Variants in CADM2 observed in about 807,000 individuals in gnomAD.
CADM2 encodes the protein cell adhesion molecule 2.
Under a neutral mutation model 49.8 loss-of-function variants are expected in CADM2, and 12 were observed. That is an observed-to-expected ratio of 0.24 (90% CI 0.15 to 0.39). The LOEUF (loss-of-function observed/expected upper bound fraction) is 0.39. CADM2 is among the 10% of genes least tolerant of loss of function. The pLI, the probability that CADM2 is intolerant of heterozygous loss-of-function variation, is 1.00. For missense variants in CADM2, 378 were observed against 492.3 expected (o/e 0.77, Z 2.20); for synonymous variants, 214 against 175.4 (o/e 1.22, Z -1.74).
chr3:86,054,683 T>A (rs1209439894), intron 8 of CADM2, among the ~76,000 whole-genome samples: 1 of 152,086 alleles, frequency 6.6e-6, no homozygotes, highest in East Asian at 1.9e-4. Flanking sequence ...TCTGAAAGCA[T>A]GCTTAATTTA....
intron 1 of CADM2, among the ~76,000 whole-genome samples, chr3:85,218,550 C>G (rs770445023): frequency 4.6e-5 from 7 of 152,136 alleles, no homozygotes; most frequent in African/African-American, 1.7e-4. Context: ...GTAATCCCAG[C>G]ACTTTTGGAG....
At chr3:85,549,047 C>T (rs1017344036) in intron 1 of CADM2, among the ~76,000 whole-genome samples, 1 of 152,142 alleles carries the variant, frequency 6.6e-6, no homozygotes, top group Non-Finnish European at 1.5e-5. Flanking sequence ...GAAAGAAAAC[C>T]TGGTCCTATG....
chr3:84,989,951 CTT>C (rs2032790470), intron 1 of CADM2, among the ~76,000 whole-genome samples: 3 of 151,766 alleles, frequency 2.0e-5, no homozygotes, highest in South Asian at 2.1e-4. Flanking sequence ...ATGAAAGAAA[CTT>C]ATAACTTTGA....
At chr3:85,087,791 A>G (rs2037439950) in intron 1 of CADM2, among the ~76,000 whole-genome samples, 1 of 152,164 alleles carries the variant, frequency 6.6e-6, no homozygotes, top group South Asian at 2.1e-4. Flanking sequence ...TCTGCATAAC[A>G]TTACCTCCTC....
intron 3 of CADM2, among the ~76,000 whole-genome samples, chr3:85,882,243 A>T (rs1021405361): frequency 1.5e-5 from 2 of 132,586 alleles, no homozygotes; most frequent in African/African-American, 5.7e-5. Flanking sequence ...TGGAGAGGGG[A>T]AGTCTTAGGC....
At chr3:85,043,978 G>A (rs2035549744) in intron 1 of CADM2, among the ~76,000 whole-genome samples, 1 of 151,980 alleles carries the variant, frequency 6.6e-6, no homozygotes, top group African/African-American at 2.4e-5. Flanking sequence ...ATGTACCTGG[G>A]CCTCTAAATC....
chr3:85,388,183 C>A (rs934622523), intron 1 of CADM2, among the ~76,000 whole-genome samples: 1 of 152,196 alleles, frequency 6.6e-6, no homozygotes, highest in Non-Finnish European at 1.5e-5. Context: ...AGCATAGCAC[C>A]ATGCCTGGCC....
At chr3:85,954,380 C>T (rs1723794794) in intron 7 of CADM2, among the ~76,000 whole-genome samples, 1 of 151,030 alleles carries the variant, frequency 6.6e-6, no homozygotes. Flanking sequence ...AATAGACCCA[C>T]AAGTAGTCCT....
chr3:85,079,864 T>C (rs2037096978), intron 1 of CADM2, among the ~76,000 whole-genome samples: 1 of 151,788 alleles, frequency 6.6e-6, no homozygotes, highest in Non-Finnish European at 1.5e-5. Context: ...GAACGCAAAA[T>C]AAACATCATC....
intron 1 of CADM2, among the ~76,000 whole-genome samples, chr3:85,272,340 T>C (rs2043261441): frequency 6.6e-6 from 1 of 151,262 alleles, no homozygotes; most frequent in African/African-American, 2.4e-5. Flanking sequence ...ATACAATTCG[T>C]TGTACCACAT....
chr3:85,488,881 C>G (rs1037927210), intron 1 of CADM2, among the ~76,000 whole-genome samples: 47 of 152,082 alleles, frequency 3.1e-4, no homozygotes, highest in African/African-American at 1.1e-3. Flanking sequence ...TGAGGCTATG[C>G]TTGTAGCTCA....
At chr3:85,049,475 C>T (rs926445824) in intron 1 of CADM2, among the ~76,000 whole-genome samples, 1 of 151,836 alleles carries the variant, frequency 6.6e-6, no homozygotes, top group African/African-American at 2.4e-5. Context: ...CTCAGCCTCC[C>T]GAGTAACTGG....
At chr3:85,277,162 A>G (rs900270979) in intron 1 of CADM2, among the ~76,000 whole-genome samples, 1 of 151,348 alleles carries the variant, frequency 6.6e-6, no homozygotes, top group African/African-American at 2.4e-5. Context: ...TAAAAAATAA[A>G]TATTAACTGC....
intron 2 of CADM2, among the ~76,000 whole-genome samples, chr3:85,738,319 A>T (rs548249033): frequency 3.3e-4 from 50 of 152,340 alleles, no homozygotes; most frequent in African/African-American, 1.2e-3. Context: ...TGAAGACCTG[A>T]ATTCTGATTG....
chr3:85,039,269 G>C (rs2035344810), intron 1 of CADM2, among the ~76,000 whole-genome samples: 2 of 152,192 alleles, frequency 1.3e-5, no homozygotes, highest in Non-Finnish European at 2.9e-5. Flanking sequence ...CCAAAGTGCT[G>C]AGCCCCAACC....
intron 2 of CADM2, among the ~76,000 whole-genome samples, chr3:85,771,420 T>TA (rs2070079586): frequency 1.3e-5 from 2 of 152,130 alleles, no homozygotes; most frequent in Admixed American, 1.3e-4. Context: ...ATTTTTCTAC[T>TA]ATTTGCATGG....
rs1188703775 is a variant in CADM2, at chr3:85,769,554, T to TA, written c.89-32493_89-32492insA. Among the ~76,000 whole-genome samples, 10 of 70,488 alleles carry TA rather than the reference T, an allele frequency of 1.4e-4. 2 individuals carry two copies. The highest frequency in any genetic ancestry group is 5.1e-4 in the African/African-American group (8 of 15,742). The allele number at this position is 70,488 out of a possible 152,430, so 46.2% of individuals were successfully genotyped here. A position where few individuals can be genotyped will look rare whatever the true frequency, so the allele number is the denominator to read the frequency against. Reference sequence around the variant, plus strand: ...GTATATATACACGTATATACATATATGTATATATACACGTATATACATATA... The same window carrying TA: ...GTATATATACACGTATATACATATATAGTATATATACACGTATATACATATA... On this transcript the variant is annotated intron_variant, in intron 2 of 9. Coordinates refer to ENST00000383699, the MANE Select transcript of CADM2 (RefSeq NM_001167675.2).
chr3:85,216,325 ATATT>A (rs1397750863), intron 1 of CADM2, among the ~76,000 whole-genome samples: 3 of 147,498 alleles, frequency 2.0e-5, no homozygotes, highest in East Asian at 3.9e-4. Flanking sequence ...ATATTAATAT[ATATT>A]TAATGTATAA....
chr3:85,567,547 C>G (rs1230488510), intron 1 of CADM2, among the ~76,000 whole-genome samples: 1 of 151,682 alleles, frequency 6.6e-6, no homozygotes, highest in African/African-American at 2.4e-5. Flanking sequence ...AATTTCTCTT[C>G]TCTCCTTCAT....
Sources: allele counts gnomAD v4.1 joint callset (sites outside exome capture counted in the v4.1 genomes callset), GRCh38; gene constraint gnomAD v4.1.1; transcripts MANE v1.5; gene names NCBI Gene and HGNC (gene_info 2026-07-23, HGNC 2026-07-21).